PLXNB3: variants seen among roughly 807,000 people sequenced by gnomAD.
PLXNB3 encodes plexin B3, also known as plexin-B3.
A neutral mutation model predicts 125.7 loss-of-function variants in PLXNB3; 80 were observed. The ratio of observed to expected loss-of-function variants is 0.64; its 90% CI spans 0.53 to 0.77. The LOEUF is 0.77. Ranked by LOEUF, PLXNB3 falls within the 30% of genes least tolerant of loss-of-function variation. The pLI, the probability that PLXNB3 is intolerant of heterozygous loss-of-function variation, is 0.00. For missense variants in PLXNB3, 1,836 were observed against 1,729.3 expected (o/e 1.06, Z -1.09); for synonymous variants, 954 against 783.3 (o/e 1.22, Z -3.64).
At chrX:153,772,050 G>A (rs782262868) in intron 15 of PLXNB3, 35 bp downstream of exon 15, 1 of 1,171,051 alleles carries the variant, frequency 8.5e-7, no homozygotes, top group Non-Finnish European at 1.1e-6. Context: ...GGGTGGGGAG[G>A]CCCTCAGAGA....
intron 1 of PLXNB3, among the ~76,000 whole-genome samples, chrX:153,764,606 C>A (rs1352581555): frequency 8.8e-6 from 1 of 113,191 alleles, no homozygotes; most frequent in Non-Finnish European, 1.9e-5. Flanking sequence ...AGCCACCCAA[C>A]TGGCCCAGCC....
At position 153,773,499 on chromosome X, in the gene PLXNB3, G is replaced by A. The variant is rs201522053; in HGVS notation, c.3084-19G>A. 4.6e-5 allele frequency: 55 copies of A among 1,186,869 alleles called. No individual in the cohort carries two copies. The highest frequency in any genetic ancestry group is 7.0e-5 in the African/African-American group (4 of 57,185). ...TGTTGCCCACCGCCCGCCCACACCC[G>A]ACTGCCATCCTGGTACAGGGGTGGG... On this transcript the variant is annotated intron_variant, in intron 18 of 35. Coordinates refer to ENST00000361971, the MANE Select transcript of PLXNB3 (RefSeq NM_005393.3).
In PLXNB3 at chrX:153,777,583, G is replaced by A. The variant is rs1426766177; in HGVS notation, c.5156G>A (p.Arg1719Gln). The A allele has an allele frequency of 8.3e-6, 10 of 1,210,518 alleles. No individual in the cohort carries two copies. In the African/African-American group the frequency reaches 8.7e-5, roughly 11 times the overall value. ...TTCCAGGCCATTCTCAGCGTGAACC[G>A]GCCCATCCCCATCGCCGTCAAGTAC... is the stretch of plus-strand genomic sequence containing the variant. ...DTFQAILSVN[R>Q]PIPIAVKYLF... The change falls in exon 31 of 36, where the codon CGG (arginine) becomes CAG (glutamine). Residue 1719 changes from arginine (R) to glutamine (Q), a missense_variant. Coordinates refer to ENST00000361971, the MANE Select transcript of PLXNB3 (RefSeq NM_005393.3).
rs782809651 is a variant in PLXNB3 at position 153,770,574 on chromosome X, C to G, written c.1942C>G (p.Gln648Glu). 9.9e-6 allele frequency: 12 copies of G among 1,211,252 alleles called. No individual in the cohort carries two copies. The highest frequency in any genetic ancestry group is 1.3e-5 in the Non-Finnish European group (12 of 895,500). ...CATCTGGCGGTGTCACTGGTGCCCG[C>G]AGAGTAGCCACTGCGTGTACGGAGA... is the stretch of plus-strand genomic sequence containing the variant. ...GSIWRCHWCPQSSHCVYGEHC... is the reference protein window; with the variant it reads ...GSIWRCHWCPESSHCVYGEHC... Residue 648 changes from glutamine (Q) to glutamate (E), a missense_variant, in exon 10 of 36, where the codon CAG (glutamine) becomes GAG (glutamate). Transcript: ENST00000361971.
intron 16 of PLXNB3, 123 bp downstream of exon 16, chrX:153,772,410 AGGAG>A: frequency 1.8e-6 from 1 of 544,607 alleles, no homozygotes; most frequent in Non-Finnish European, 3.0e-6. Flanking sequence ...CTGCATGTCT[AGGAG>A]GGAAGCCATG....
In PLXNB3 at chrX:153,774,583, C is replaced by A. The variant is rs2148427373; in HGVS notation, c.3830+12C>A. ...ACCCTCATGTACAGGTGAGACCCGCCCACCCCCAGCACACTTCCCTCCTCG... is the reference window on the plus strand; with the variant it reads ...ACCCTCATGTACAGGTGAGACCCGCACACCCCCAGCACACTTCCCTCCTCG... On this transcript the variant is annotated intron_variant, in intron 22 of 35. Transcript: ENST00000361971. 1 of 1,186,164 alleles carries A rather than the reference C, an allele frequency of 8.4e-7. No individual in the cohort carries two copies.
At chrX:153,778,205 T>TG (rs1557065186) in intron 32 of PLXNB3, 56 bp from the exon 33 acceptor site, 5 of 1,193,081 alleles carry the variant, frequency 4.2e-6, no homozygotes, top group Non-Finnish European at 5.7e-6. Flanking sequence ...GGCAGCATCA[T>TG]GGGGGCACCT....
rs782708590 is a variant in PLXNB3, at chrX:153,770,158, G to A, written c.1696G>A (p.Asp566Asn). The part of the protein sequence containing the change: ...ADEYFHCAFG[D>N]YDSLAHVEGP... ...TGAATACTTCCATTGTGCGTTCGGG[G>A]ACTATGACAGCTTGGCTCATGTGGA... Residue 566 changes from aspartate (D) to asparagine (N), a missense_variant, in exon 8 of 36, where the codon GAC becomes AAC. Physicochemically the swap from Asp to Asn is conservative, Grantham distance 23. Transcript: ENST00000361971. The A allele has an allele frequency of 1.1e-5, 13 of 1,210,024 alleles. No individual in the cohort carries two copies. The highest frequency in any genetic ancestry group is 3.5e-5 in the African/African-American group (2 of 57,471).
At position 153,774,671 on chromosome X, in the gene PLXNB3, C is replaced by T. The variant is rs1376644250; in HGVS notation, c.3831-35C>T. 5.2e-6 allele frequency: 6 copies of T among 1,149,544 alleles called. No homozygotes were observed. The East Asian group carries it at 9.2e-5, about 18-fold the overall frequency. 94.7% of individuals were successfully genotyped at this position (1,149,544 alleles called of 1,213,427 possible). A position where few individuals can be genotyped will look rare whatever the true frequency, so the allele number is the denominator to read the frequency against. On this transcript the variant is annotated intron_variant, in intron 22 of 35. Transcript: ENST00000361971. ...CCCCGGCCCTGGCTGATGCTGGCCC[C>T]GGCCCTGGCTGATGAAGCTGGCCCC...
Position 153,770,179 on chromosome X carries a change from G to A in PLXNB3, c.1717G>A (p.Val573Met), listed in dbSNP as rs781812882. Residue 573 changes from valine (V) to methionine (M), a missense_variant, in exon 8 of 36, where the codon GTG (valine) becomes ATG (methionine). By Grantham distance (21) the Val-to-Met change is conservative. Transcript: ENST00000361971. ...CGGGGACTATGACAGCTTGGCTCAT[G>A]TGGAAGGGCCCCACGTGGCCTGTGT... ...AFGDYDSLAHVEGPHVACVTP... is the reference protein window; with the variant it reads ...AFGDYDSLAHMEGPHVACVTP... The A allele has an allele frequency of 8.3e-6, 10 of 1,211,425 alleles. No individual in the cohort carries two copies. Among genetic ancestry groups the A allele is most frequent in the Non-Finnish European group, 1.1e-5 (10 of 895,518 alleles).
In PLXNB3 at chrX:153,768,452, G is replaced by A. The variant is rs200379965; in HGVS notation, c.1266+24G>A. On this transcript the variant is annotated intron_variant, in intron 4 of 35. Coordinates refer to ENST00000361971, the MANE Select transcript of PLXNB3 (RefSeq NM_005393.3). ...AGGTGAGGGCCCGGCCTTGCTGTCCGGCTGGGTGTGCCCCTGGCCACGGAG... is the reference window on the plus strand; with the variant it reads ...AGGTGAGGGCCCGGCCTTGCTGTCCAGCTGGGTGTGCCCCTGGCCACGGAG... 1,712 of 1,164,685 alleles carry A rather than the reference G, an allele frequency of 1.5e-3. 4 individuals are homozygous for A. The highest frequency in any genetic ancestry group is 0.014 in the Middle Eastern group (49 of 3,409).
Position 153,777,576 on chromosome X carries a change from G to A in PLXNB3, c.5149G>A (p.Val1717Met), listed in dbSNP as rs142300328. ...VDDTFQAILS[V>M]NRPIPIAVKY... ...CGACACCTTCCAGGCCATTCTCAGC[G>A]TGAACCGGCCCATCCCCATCGCCGT... Residue 1717 changes from valine to methionine, a missense_variant, in exon 31 of 36, where the codon GTG (valine) becomes ATG (methionine). Physicochemically the swap from Val to Met is conservative, Grantham distance 21. Coordinates refer to ENST00000361971, the MANE Select transcript of PLXNB3 (RefSeq NM_005393.3). The A allele has an allele frequency of 1.9e-4, 224 of 1,210,632 alleles. No homozygotes were observed. The highest frequency in any genetic ancestry group is 2.2e-4 in the Non-Finnish European group (194 of 895,227).
chrX:153,774,019 A>AC lies in PLXNB3; in HGVS notation c.3445dup (p.Arg1149ProfsTer96). On this transcript the variant is annotated frameshift_variant, in exon 20 of 36. Transcript: ENST00000361971. LOFTEE classifies it high-confidence loss of function. The stretch of plus-strand genomic sequence containing the variant: ...GGCCAGGGCTTCCTGTACCAGCCCA[A>AC]CCCCCGCCTGGCACCCCTCAGCCGC... 8.4e-7 allele frequency: 1 copy of AC among 1,196,259 alleles called. No homozygotes were observed. The highest frequency in any genetic ancestry group is 1.1e-6 in the Non-Finnish European group (1 of 888,186).
rs782221267 is a variant in PLXNB3 at position 153,777,611 on chromosome X, G to A, written c.5184G>A (p.Leu1728=). ...CCATCCCCATCGCCGTCAAGTACCT[G>A]TTTGACCTTCTGGATGAGCTAGCAG... ...NRPIPIAVKY[L]FDLLDELAEK... The change falls in exon 31 of 36, where the codon CTG becomes CTA. Residue 1728 remains leucine, a synonymous_variant. Coordinates refer to ENST00000361971, the MANE Select transcript of PLXNB3 (RefSeq NM_005393.3). 4 of 1,211,827 alleles carry A rather than the reference G, an allele frequency of 3.3e-6. No homozygotes were observed. Among genetic ancestry groups the A allele is most frequent in the South Asian group, 1.8e-5 (1 of 57,045 alleles).
In PLXNB3 at chrX:153,767,833, G is replaced by A. The variant is rs2091875818; in HGVS notation, c.1006G>A (p.Ala336Thr). 8.7e-7 allele frequency: 1 copy of A among 1,146,657 alleles called. No homozygotes were observed. The highest frequency in any genetic ancestry group is 2.0e-5 in the South Asian group (1 of 50,223). The allele number at this position is 1,146,657 out of a possible 1,213,427, so 94.5% of individuals were successfully genotyped here. ...GCAGGCCCGGAGACTCTGCTACACGGCGGGCGGCCGGGGCCCCAGCGGCGC... is the reference window on the plus strand; with the variant it reads ...GCAGGCCCGGAGACTCTGCTACACGACGGGCGGCCGGGGCCCCAGCGGCGC... Reference protein sequence around the residue: ...MEQARRLCYTAGGRGPSGAEE... With the variant: ...MEQARRLCYTTGGRGPSGAEE... The change falls in exon 3 of 36, where the codon GCG (alanine) becomes ACG (threonine). Residue 336 changes from alanine to threonine, a missense_variant. Ala to Thr is a moderately conservative substitution (Grantham distance 58). Transcript: ENST00000361971.
intron 3 of PLXNB3, 27 bp downstream of exon 3, chrX:153,767,940 C>T (rs1190402217): frequency 1.9e-6 from 2 of 1,078,470 alleles, no homozygotes; most frequent in Non-Finnish European, 1.2e-6. Flanking sequence ...TCCATCCCCC[C>T]TCTCTGTGGA....
In PLXNB3 at chrX:153,767,799, C is replaced by A; in HGVS notation, c.972C>A (p.Ala324=). Residue 324 remains alanine (A), a synonymous_variant, in exon 3 of 36, where the codon GCC becomes GCA. Coordinates refer to ENST00000361971, the MANE Select transcript of PLXNB3 (RefSeq NM_005393.3). ...CCTTCCCCATGGTGGAGCTGGGTGC[C>A]AGCATGGAGCAGGCCCGGAGACTCT... ...LCAFPMVELG[A]SMEQARRLCY... The A allele has an allele frequency of 8.6e-7, 1 of 1,166,420 alleles. No homozygotes were observed. The highest frequency in any genetic ancestry group is 3.2e-5 in the East Asian group (1 of 30,969).
chrX:153,766,228 C>A, intron 2 of PLXNB3: 1 of 1,165,335 alleles, frequency 8.6e-7, no homozygotes, highest in Non-Finnish European at 1.1e-6. Flanking sequence ...TCACCCCTGC[C>A]TCTTCGCTGA....
chrX:153,775,427 G>A, intron 25 of PLXNB3, 24 bp downstream of exon 25: 1 of 1,197,756 alleles, frequency 8.3e-7, no homozygotes, highest in East Asian at 3.0e-5. Flanking sequence ...TGGACCCGGT[G>A]GCGGGGGTGA....
Sources: gnomAD v4.1 joint callset for allele counts (sites outside exome capture counted in the v4.1 genomes callset) on GRCh38, gnomAD v4.1.1 for gene constraint, MANE v1.5 for transcripts, NCBI Gene and HGNC (gene_info 2026-07-23, HGNC 2026-07-21) for gene names.